CTNNA3: variants seen among roughly 807,000 people sequenced by gnomAD.
CTNNA3 encodes the protein catenin alpha-3.
In CTNNA3, 76 loss-of-function variants were observed where a neutral mutation model predicts 95.7. The observed-to-expected ratio is 0.79, with a 90% CI of 0.66 to 0.96. CTNNA3 has a LOEUF of 0.96. Ranked by LOEUF, CTNNA3 falls within the 40% of genes least tolerant of loss-of-function variation. CTNNA3 has a pLI of 0.00. For missense variants in CTNNA3, 1,191 were observed against 1,089.8 expected (o/e 1.09, Z -1.31); for synonymous variants, 431 against 374.4 (o/e 1.15, Z -1.74).
chr10:65,970,335 G>A (rs901594870), intron 16 of CTNNA3, among the ~76,000 whole-genome samples: 5 of 151,930 alleles, frequency 3.3e-5, no homozygotes, highest in African/African-American at 7.3e-5. Flanking sequence ...CACAAGTACA[G>A]AGCCCACAGA....
At chr10:66,246,515 A>G (rs1402784108) in intron 13 of CTNNA3, among the ~76,000 whole-genome samples, 4 of 152,148 alleles carry the variant, frequency 2.6e-5, no homozygotes, top group Non-Finnish European at 5.9e-5. Context: ...AGCTGGCATG[A>G]TGGCAACAGC....
chr10:65,953,173 T>C (rs1440545094), intron 17 of CTNNA3, among the ~76,000 whole-genome samples: 1 of 152,214 alleles, frequency 6.6e-6, no homozygotes, highest in Non-Finnish European at 1.5e-5. Flanking sequence ...AGGCGTGGTG[T>C]ATAGGAATAC....
At chr10:67,272,341 T>TA (rs1839013230) in intron 5 of CTNNA3, among the ~76,000 whole-genome samples, 2 of 151,930 alleles carry the variant, frequency 1.3e-5, no homozygotes, top group Non-Finnish European at 2.9e-5. Flanking sequence ...CACTTGAGCC[T>TA]AGGAGTTCAA....
intron 1 of CTNNA3, among the ~76,000 whole-genome samples, chr10:67,670,933 A>G (rs1840419548): frequency 6.6e-6 from 1 of 150,986 alleles, no homozygotes; most frequent in Admixed American, 6.6e-5. Flanking sequence ...ATCTCTTTCT[A>G]CTTCTATCTC....
intron 11 of CTNNA3, among the ~76,000 whole-genome samples, chr10:66,510,948 T>A (rs1401462651): frequency 6.6e-6 from 1 of 151,856 alleles, no homozygotes. Flanking sequence ...TTTTTTGGAA[T>A]AGTTTGAGAA....
At chr10:67,532,744 T>TAC (rs1375900999) in intron 4 of CTNNA3, among the ~76,000 whole-genome samples, 2 of 152,190 alleles carry the variant, frequency 1.3e-5, no homozygotes, top group African/African-American at 4.8e-5. Flanking sequence ...GAAAGAGAAC[T>TAC]TATACCAGTT....
At chr10:66,846,501 T>C (rs977038814) in intron 7 of CTNNA3, among the ~76,000 whole-genome samples, 15 of 149,542 alleles carry the variant, frequency 1.0e-4, no homozygotes, top group Admixed American at 5.3e-4. Flanking sequence ...ACACACAAAA[T>C]GAGGGGATAG....
intron 12 of CTNNA3, among the ~76,000 whole-genome samples, chr10:66,326,825 C>A (rs1484632651): frequency 6.6e-6 from 1 of 151,986 alleles, no homozygotes; most frequent in Non-Finnish European, 1.5e-5. Context: ...AAAATCCTTT[C>A]ATATTTCATT....
chr10:67,684,668 C>T (rs564609868), intron 1 of CTNNA3, among the ~76,000 whole-genome samples: 19 of 152,278 alleles, frequency 1.2e-4, no homozygotes, highest in South Asian at 6.2e-4. Context: ...AAAGGGCCAG[C>T]GGGTCACTCC....
chr10:66,613,823 T>G (rs538596468), intron 10 of CTNNA3, among the ~76,000 whole-genome samples: 1 of 152,078 alleles, frequency 6.6e-6, no homozygotes, highest in Admixed American at 6.6e-5. Flanking sequence ...TTTTACATGA[T>G]TCTTAAAGAA....
At chr10:66,167,918 A>G (rs948188546) in intron 13 of CTNNA3, among the ~76,000 whole-genome samples, 1 of 152,162 alleles carries the variant, frequency 6.6e-6, no homozygotes, top group Non-Finnish European at 1.5e-5. Context: ...AGATACACCT[A>G]GTCATCGGCT....
intron 13 of CTNNA3, among the ~76,000 whole-genome samples, chr10:66,139,759 G>A (rs912848736): frequency 1.3e-5 from 2 of 152,140 alleles, no homozygotes; most frequent in Non-Finnish European, 2.9e-5. Context: ...ACAGCTCTGG[G>A]CGGGAATCAG....
intron 7 of CTNNA3, among the ~76,000 whole-genome samples, chr10:67,014,716 T>C (rs1254505426): frequency 6.6e-6 from 1 of 151,960 alleles, no homozygotes; most frequent in South Asian, 2.1e-4. Flanking sequence ...AAACTTCAAG[T>C]AATAAAGAGA....
chr10:66,920,748 C>T (rs772100022), intron 7 of CTNNA3, among the ~76,000 whole-genome samples: 2 of 152,166 alleles, frequency 1.3e-5, no homozygotes, highest in Non-Finnish European at 2.9e-5. Flanking sequence ...ATGTGACCCA[C>T]GAAAACAGTT....
intron 5 of CTNNA3, among the ~76,000 whole-genome samples, chr10:67,237,142 A>ATGTG (rs1865516727): frequency 3.0e-5 from 2 of 66,170 alleles, no homozygotes; most frequent in Non-Finnish European, 5.5e-5. Flanking sequence ...ATATATATAT[A>ATGTG]TATATATATA....
intron 9 of CTNNA3, among the ~76,000 whole-genome samples, chr10:66,653,840 T>C (rs780330057): frequency 1.4e-4 from 21 of 151,982 alleles, no homozygotes; most frequent in African/African-American, 4.6e-4. Flanking sequence ...GTGCCAAGAA[T>C]AGAAAATGTG....
At chr10:67,182,085 G>T (rs1271895788) in intron 6 of CTNNA3, among the ~76,000 whole-genome samples, 1 of 152,120 alleles carries the variant, frequency 6.6e-6, no homozygotes, top group Non-Finnish European at 1.5e-5. Flanking sequence ...TGGGTAGGAA[G>T]AATCAATATC....
At chr10:67,438,200 TC>T (rs1238789477) in intron 5 of CTNNA3, among the ~76,000 whole-genome samples, 1 of 152,144 alleles carries the variant, frequency 6.6e-6, no homozygotes, top group African/African-American at 2.4e-5. Flanking sequence ...ATGGGAATGT[TC>T]CCACCACCCC....
At chr10:66,431,684 G>A (rs1460730673) in intron 11 of CTNNA3, among the ~76,000 whole-genome samples, 1 of 148,140 alleles carries the variant, frequency 6.8e-6, no homozygotes. Context: ...ACTCACAGGT[G>A]GGAATTGAAC....
Sources: gnomAD v4.1 joint callset for allele counts (sites outside exome capture counted in the v4.1 genomes callset) on GRCh38, gnomAD v4.1.1 for gene constraint, MANE v1.5 for transcripts, NCBI Gene and HGNC (gene_info 2026-07-23, HGNC 2026-07-21) for gene names.